RFX3: variants seen among roughly 807,000 people sequenced by gnomAD.
RFX3 encodes transcription factor RFX3.
In RFX3, 14 loss-of-function variants were observed where a neutral mutation model predicts 98.6. The observed-to-expected ratio is 0.14, with a 90% CI of 0.09 to 0.22. The LOEUF (loss-of-function observed/expected upper bound fraction) is 0.22, where lower values mean the gene tolerates loss of function less well. RFX3 is among the 10% of genes least tolerant of loss of function. The probability of loss-of-function intolerance (pLI) is 1.00; values close to 1 mark genes in which losing one functional copy is unlikely to be tolerated. For missense variants in RFX3, 639 were observed against 926.9 expected, an observed-to-expected ratio of 0.69 and a Z score of 4.03; for synonymous variants, 383 against 328.4, an observed-to-expected ratio of 1.17 and a Z score of -1.80.
intron 15 of RFX3, among the ~76,000 whole-genome samples, chr9:3,232,057 A>C (rs933624381): frequency 6.6e-6 from 1 of 152,012 alleles, no homozygotes; most frequent in Non-Finnish European, 1.5e-5. Context: ...CAAGCAAGCA[A>C]GCAAGCAAGC....
In RFX3 at chr9:3,346,658, T is replaced by C. The variant is rs201478652; in HGVS notation, c.215+9A>G. Reference sequence around the variant, plus strand: ...GGGGAATTAAAAAGACTTCCACATATAAACTTACATTGCTCCATTGGTATA... The same window carrying C: ...GGGGAATTAAAAAGACTTCCACATACAAACTTACATTGCTCCATTGGTATA... On this transcript the variant is annotated intron_variant, in intron 3 of 16. Coordinates refer to ENST00000617270, the MANE Select transcript of RFX3 (RefSeq NM_001282116.2). 8.5e-5 allele frequency: 133 copies of C among 1,571,558 alleles called. No homozygotes were observed. In the African/African-American group the frequency reaches 1.4e-3, roughly 17 times the overall value.
intron 8 of RFX3, among the ~76,000 whole-genome samples, chr9:3,276,501 G>A (rs936403897): frequency 1.3e-5 from 2 of 151,998 alleles, no homozygotes; most frequent in African/African-American, 4.8e-5. Context: ...GATGATAATC[G>A]AAGTGAAATC....
At chr9:3,225,962 C>T (rs1817715229) in intron 16 of RFX3, among the ~76,000 whole-genome samples, 1 of 152,126 alleles carries the variant, frequency 6.6e-6, no homozygotes, top group South Asian at 2.1e-4. Flanking sequence ...AAATTAAATG[C>T]ATTATATAGT....
At chr9:3,371,044 T>C (rs1418658576) in intron 2 of RFX3, among the ~76,000 whole-genome samples, 1 of 152,152 alleles carries the variant, frequency 6.6e-6, no homozygotes, top group Non-Finnish European at 1.5e-5. Context: ...TATTAAATTA[T>C]TTAATATTTG....
chr9:3,384,903 TC>T (rs2131761759), intron 2 of RFX3, among the ~76,000 whole-genome samples: 1 of 152,208 alleles, frequency 6.6e-6, no homozygotes, highest in Non-Finnish European at 1.5e-5. Context: ...AATAAACACT[TC>T]CTTTTATTCC....
chr9:3,317,476 A>G (rs1230491458), intron 4 of RFX3, among the ~76,000 whole-genome samples: 6 of 152,252 alleles, frequency 3.9e-5, no homozygotes, highest in Non-Finnish European at 4.4e-5. Context: ...CTTCATGACT[A>G]AAACACCAAA....
chr9:3,496,909 A>G (rs1851145588), intron 1 of RFX3, among the ~76,000 whole-genome samples: 1 of 152,054 alleles, frequency 6.6e-6, no homozygotes, highest in Non-Finnish European at 1.5e-5. Context: ...CTCATACAGC[A>G]CAGTTTGCAT....
At chr9:3,335,944 T>C (rs2130968296) in intron 3 of RFX3, among the ~76,000 whole-genome samples, 1 of 152,312 alleles carries the variant, frequency 6.6e-6, no homozygotes, top group South Asian at 2.1e-4. Flanking sequence ...CAATTTATCT[T>C]AGCTATAACC....
intron 4 of RFX3, among the ~76,000 whole-genome samples, chr9:3,317,288 A>C (rs1479157073): frequency 6.6e-6 from 1 of 152,230 alleles, no homozygotes; most frequent in Non-Finnish European, 1.5e-5. Context: ...CTATTTAATA[A>C]ATGGTGCTGG....
chr9:3,239,035 C>T (rs1819559568), intron 15 of RFX3, among the ~76,000 whole-genome samples: 1 of 151,016 alleles, frequency 6.6e-6, no homozygotes, highest in Non-Finnish European at 1.5e-5. Context: ...AAAACTGATT[C>T]AAAAAAGGTA....
chr9:3,488,908 C>A, intron 1 of RFX3: 1 of 984,196 alleles, frequency 1.0e-6, no homozygotes, highest in Non-Finnish European at 1.2e-6. Context: ...AAAACAAAGA[C>A]CATATATCAA....
intron 1 of RFX3, among the ~76,000 whole-genome samples, chr9:3,435,148 G>A (rs1380417046): frequency 6.6e-6 from 1 of 151,864 alleles, no homozygotes. Flanking sequence ...AGACATTACT[G>A]TACACTACTA....
rs199973532 is a variant in RFX3 at position 3,429,091 on chromosome 9, C to T, written c.-8-33495G>A. The stretch of plus-strand genomic sequence containing the variant: ...AGGCTGGAGTGCGGTGGCGCGATCT[C>T]GGCTCACTGCAAGCTCCGCCTCCCG... On this transcript the variant is annotated intron_variant, in intron 1 of 16. Transcript: ENST00000617270. Among the ~76,000 whole-genome samples, 96 of 148,954 alleles carry T rather than the reference C, an allele frequency of 6.4e-4. No homozygotes were observed. In the East Asian group the frequency reaches 0.016, roughly 25 times the overall value.
chr9:3,490,579 T>C (rs978381956), intron 1 of RFX3, among the ~76,000 whole-genome samples: 9 of 152,104 alleles, frequency 5.9e-5, no homozygotes, highest in African/African-American at 2.2e-4. Flanking sequence ...GAATTTTTAG[T>C]TTTCAAAGAA....
At chr9:3,463,412 A>C (rs1051264910) in intron 1 of RFX3, among the ~76,000 whole-genome samples, 1 of 152,172 alleles carries the variant, frequency 6.6e-6, no homozygotes, top group African/African-American at 2.4e-5. Flanking sequence ...TACTAGAAGA[A>C]CATACAAGGC....
intron 2 of RFX3, among the ~76,000 whole-genome samples, chr9:3,352,414 A>G (rs977556530): frequency 7.2e-5 from 11 of 152,158 alleles, no homozygotes; most frequent in South Asian, 4.1e-4. Flanking sequence ...TTTATTCTGC[A>G]TATTTATATT....
intron 6 of RFX3, among the ~76,000 whole-genome samples, chr9:3,291,990 G>A (rs958859194): frequency 2.9e-5 from 4 of 137,618 alleles, no homozygotes; most frequent in Admixed American, 1.6e-4. Flanking sequence ...CTGCGAGGCA[G>A]AGGTTGCAGT....
intron 12 of RFX3, among the ~76,000 whole-genome samples, chr9:3,264,803 G>A (rs1268971062): frequency 2.0e-5 from 3 of 152,164 alleles, no homozygotes; most frequent in East Asian, 3.9e-4. Context: ...GAAACCAGAA[G>A]AACAGACGGT....
At chr9:3,444,593 C>T (rs1223292278) in intron 1 of RFX3, among the ~76,000 whole-genome samples, 1 of 152,124 alleles carries the variant, frequency 6.6e-6, no homozygotes, top group Non-Finnish European at 1.5e-5. Flanking sequence ...AAATATACCA[C>T]AACAAAGCTG....
Sources: gnomAD v4.1 joint callset for allele counts (sites outside exome capture counted in the v4.1 genomes callset) on GRCh38, gnomAD v4.1.1 for gene constraint, MANE v1.5 for transcripts, NCBI Gene and HGNC (gene_info 2026-07-23, HGNC 2026-07-21) for gene names.